Variants in PCSK6 observed in about 807,000 individuals in gnomAD.
PCSK6 encodes the protein paired basic amino acid cleaving enzyme 4.
A neutral mutation model predicts 123.3 loss-of-function variants in PCSK6; 85 were observed. That is an observed-to-expected ratio of 0.69 (90% CI 0.58 to 0.83). PCSK6 has a LOEUF of 0.83. PCSK6 is among the 40% of genes least tolerant of loss of function. The pLI, the probability that PCSK6 is intolerant of heterozygous loss-of-function variation, is 0.00. For missense variants in PCSK6, 1,191 were observed against 1,282.3 expected, an observed-to-expected ratio of 0.93 and a Z score of 1.09; for synonymous variants, 508 against 516.0, an observed-to-expected ratio of 0.98 and a Z score of 0.21.
chr15:101,448,887 G>A (rs1345122288), intron 1 of PCSK6, among the ~76,000 whole-genome samples: 1 of 152,316 alleles, frequency 6.6e-6, no homozygotes, highest in Non-Finnish European at 1.5e-5. Context: ...GAAATCATGG[G>A]AGGCCTATAT....
chr15:101,316,929 T>G (rs2040006190), intron 19 of PCSK6, among the ~76,000 whole-genome samples: 1 of 142,256 alleles, frequency 7.0e-6, no homozygotes, highest in Non-Finnish European at 1.5e-5. Context: ...TTTTTTTTTT[T>G]GACAGAGTCT....
chr15:101,399,338 C>T (rs1314130835), intron 6 of PCSK6, among the ~76,000 whole-genome samples: 1 of 152,170 alleles, frequency 6.6e-6, no homozygotes, highest in Non-Finnish European at 1.5e-5. Context: ...AGCTTTCAAC[C>T]TGGAAGACAG....
At chr15:101,463,757 A>T (rs190681473) in intron 1 of PCSK6, among the ~76,000 whole-genome samples, 52 of 152,184 alleles carry the variant, frequency 3.4e-4, no homozygotes, top group Non-Finnish European at 5.6e-4. Flanking sequence ...CGTGCCGGGG[A>T]GTTGGGGTGT....
At chr15:101,436,121 C>T (rs1300268926) in intron 2 of PCSK6, among the ~76,000 whole-genome samples, 9 of 130,004 alleles carry the variant, frequency 6.9e-5, no homozygotes, top group Admixed American at 6.8e-4. Context: ...GCCACCATGT[C>T]CTTCTGCCCT....
chr15:101,347,061 T>C, intron 13 of PCSK6: 1 of 1,231,698 alleles, frequency 8.1e-7, no homozygotes, highest in African/African-American at 1.5e-5. Context: ...ATGGTGACTG[T>C]TTGGAGAGTG....
intron 6 of PCSK6, among the ~76,000 whole-genome samples, chr15:101,413,081 T>A (rs2055762551): frequency 6.6e-6 from 1 of 151,762 alleles, no homozygotes; most frequent in Non-Finnish European, 1.5e-5. Flanking sequence ...CTCGAAGAAA[T>A]AATGGCTAAA....
intron 12 of PCSK6, 60 bp from the exon 13 acceptor site, chr15:101,366,392 G>T (rs2041391923): frequency 6.5e-7 from 1 of 1,550,074 alleles, no homozygotes. Context: ...CTGGGCGGAG[G>T]GGCTGGCACA....
chr15:101,454,972 G>GAATAAATAAATAAATAAATA (rs879329713), intron 1 of PCSK6, among the ~76,000 whole-genome samples: 1 of 131,920 alleles, frequency 7.6e-6, no homozygotes, highest in African/African-American at 4.2e-5. Flanking sequence ...ATGAATGAAT[G>GAATAAATAAATAAATAAATA]AATGAATGAA....
At chr15:101,330,165 C>G (rs569701215) in intron 15 of PCSK6, among the ~76,000 whole-genome samples, 5 of 152,356 alleles carry the variant, frequency 3.3e-5, no homozygotes, top group Admixed American at 3.3e-4. Context: ...TTGTGCCCCA[C>G]GCTGCCCACT....
intron 12 of PCSK6, among the ~76,000 whole-genome samples, chr15:101,369,147 C>G (rs891457303): frequency 6.6e-6 from 1 of 152,220 alleles, no homozygotes; most frequent in Non-Finnish European, 1.5e-5. Context: ...CTGCTGCCAC[C>G]GCTCCAGCTT....
At chr15:101,314,601 G>A (rs1465835209) in intron 19 of PCSK6, among the ~76,000 whole-genome samples, 1 of 152,222 alleles carries the variant, frequency 6.6e-6, no homozygotes, top group Non-Finnish European at 1.5e-5. Flanking sequence ...TCAAGCACAA[G>A]GCCCTGGGCT....
chr15:101,304,871 C>T lies in PCSK6; in HGVS notation c.*387G>A, dbSNP rs542971376. 1.1e-5 allele frequency: 2 copies of T among 183,106 alleles called. No homozygotes were observed. Among genetic ancestry groups the T allele is most frequent in the South Asian group, 2.6e-4 (2 of 7,786 alleles). 11.3% of individuals were successfully genotyped at this position (183,106 alleles called of 1,614,324 possible). A position where few individuals can be genotyped will look rare whatever the true frequency, so the allele number is the denominator to read the frequency against. On this transcript the variant is annotated 3_prime_UTR_variant, in exon 22 of 22. Transcript: ENST00000611716. ...AGCTGGGCCGGGGAGATTTACTACA[C>T]AGCCGCAGAAAAGCACGGGGAGAAG... is the stretch of plus-strand genomic sequence containing the variant.
chr15:101,457,043 C>T (rs2057203061), intron 1 of PCSK6, among the ~76,000 whole-genome samples: 2 of 152,110 alleles, frequency 1.3e-5, no homozygotes, highest in Non-Finnish European at 2.9e-5. Flanking sequence ...TGTGGTGGTG[C>T]ACACCTGTAA....
intron 1 of PCSK6, among the ~76,000 whole-genome samples, chr15:101,447,078 C>T (rs11639171): frequency 0.28 from 42,605 of 152,048 alleles, 6,142 homozygotes; most frequent in Admixed American, 0.33. Context: ...GATGATGCTG[C>T]GTTTATGATA....
intron 20 of PCSK6, among the ~76,000 whole-genome samples, chr15:101,309,769 T>C (rs1305353376): frequency 2.6e-5 from 4 of 152,240 alleles, no homozygotes; most frequent in African/African-American, 4.8e-5. Context: ...CACAGAGGCC[T>C]GTTTTTCTTC....
At chr15:101,306,533 C>T (rs1436441923) in intron 21 of PCSK6, among the ~76,000 whole-genome samples, 4 of 152,166 alleles carry the variant, frequency 2.6e-5, no homozygotes, top group African/African-American at 7.2e-5. Flanking sequence ...CACCCTGCTG[C>T]TTGCTGGGCC....
intron 13 of PCSK6, chr15:101,347,413 A>C: frequency 8.1e-7 from 1 of 1,237,530 alleles, no homozygotes; most frequent in Non-Finnish European, 1.0e-6. Context: ...GGAACTTTTT[A>C]GGATGAATAA....
chr15:101,412,979 C>T (rs2055750283), intron 6 of PCSK6, among the ~76,000 whole-genome samples: 2 of 147,090 alleles, frequency 1.4e-5, no homozygotes, highest in South Asian at 4.3e-4. Context: ...CACAGCGAGA[C>T]CCTGTCTCTA....
At chr15:101,327,643 G>T (rs746263581) in intron 15 of PCSK6, among the ~76,000 whole-genome samples, 10 of 152,202 alleles carry the variant, frequency 6.6e-5, no homozygotes, top group African/African-American at 2.4e-4. Context: ...CCTTCATTTG[G>T]TGGGGACTTG....
Sources: gnomAD v4.1 joint callset for allele counts (sites outside exome capture counted in the v4.1 genomes callset) on GRCh38, gnomAD v4.1.1 for gene constraint, MANE v1.5 for transcripts, NCBI Gene and HGNC (gene_info 2026-07-23, HGNC 2026-07-21) for gene names.